Variants in ARHGAP32 observed in about 807,000 individuals in gnomAD.
ARHGAP32 encodes Rho GTPase activating protein 32.
In ARHGAP32, 51 loss-of-function variants were observed where a neutral mutation model predicts 186.5. The observed-to-expected ratio is 0.27, with a 90% confidence interval of 0.22 to 0.35. The LOEUF is 0.35. Among genes scored for constraint, ARHGAP32 ranks in the 10% least tolerant of loss-of-function variants. The pLI is 1.00. For synonymous variants in ARHGAP32, 950 were observed against 964.3 expected, an observed-to-expected ratio of 0.99 and a Z score of 0.27; for missense variants, 2,186 against 2,623.5, an observed-to-expected ratio of 0.83 and a Z score of 3.64.
At chr11:129,270,918 C>A (rs1020816242) in intron 1 of ARHGAP32, among the ~76,000 whole-genome samples, 6 of 152,080 alleles carry the variant, frequency 3.9e-5, no homozygotes, top group African/African-American at 1.4e-4. Context: ...TTAGCAGCCA[C>A]TTTGGCCTCT....
intron 5 of ARHGAP32, among the ~76,000 whole-genome samples, chr11:129,113,898 C>G (rs1591626804): frequency 1.3e-5 from 2 of 152,118 alleles, no homozygotes; most frequent in African/African-American, 4.8e-5. Context: ...CCTAATCGCC[C>G]TAGATTCTGC....
upstream of ARHGAP32, among the ~76,000 whole-genome samples, chr11:129,193,726 A>ATATATTATATATTATATATTATATAT (rs1555111394): frequency 2.6e-4 from 22 of 85,704 alleles, no homozygotes; most frequent in African/African-American, 9.7e-4. Flanking sequence ...ATTATATATT[A>ATATATTATATATTATATATTATATAT]TATATAATAT....
At position 129,074,563 on chromosome 11, in the gene ARHGAP32, G is replaced by A. The variant is rs186528270; in HGVS notation, c.532-7695C>T. Among the ~76,000 whole-genome samples the A allele has an allele frequency of 1.9e-3, 285 of 152,008 alleles. 2 individuals are homozygous for A. Among genetic ancestry groups the A allele is most frequent in the African/African-American group, 6.2e-3 (256 of 41,472 alleles). On this transcript the variant is annotated intron_variant, in intron 6 of 22. Coordinates refer to ENST00000682385, the MANE Select transcript of ARHGAP32 (RefSeq NM_001378024.1). ...GGCTGGCGTGCAGTGGTCTGATCTC[G>A]GCTCACTGCAACCTCCGCCTCCCAG...
At chr11:129,020,392 G>A (rs1478448771) in intron 11 of ARHGAP32, among the ~76,000 whole-genome samples, 1 of 151,974 alleles carries the variant, frequency 6.6e-6, no homozygotes, top group Admixed American at 6.6e-5. Context: ...ACTGTTTCTT[G>A]GACTTGATGC....
chr11:129,172,204 T>C (rs1186140828), intron 1 of ARHGAP32, among the ~76,000 whole-genome samples: 3 of 152,188 alleles, frequency 2.0e-5, no homozygotes, highest in Non-Finnish European at 4.4e-5. Context: ...TCCAATACTA[T>C]GTTGAATAGG....
chr11:129,003,519 T>C (rs1937622326), intron 11 of ARHGAP32, among the ~76,000 whole-genome samples: 1 of 152,194 alleles, frequency 6.6e-6, no homozygotes, highest in Non-Finnish European at 1.5e-5. Flanking sequence ...TCCTGGGCTT[T>C]TCTTTGCTGG....
At chr11:129,045,106 CTT>C (rs757368922) in intron 10 of ARHGAP32, among the ~76,000 whole-genome samples, 14 of 152,178 alleles carry the variant, frequency 9.2e-5, no homozygotes, top group African/African-American at 3.4e-4. Flanking sequence ...TCCCTGCCCT[CTT>C]GTTTTACTTT....
At chr11:129,155,620 T>C (rs1455338367) in intron 2 of ARHGAP32, among the ~76,000 whole-genome samples, 2 of 152,130 alleles carry the variant, frequency 1.3e-5, no homozygotes, top group East Asian at 3.9e-4. Flanking sequence ...AGTAGTTCAT[T>C]TATCAGCAAG....
In ARHGAP32 at chr11:129,123,489, C is replaced by T; in HGVS notation, c.401G>A (p.Cys134Tyr). The change falls in exon 5 of 23, where the codon TGT (cysteine) becomes TAT (tyrosine). Residue 134 changes from cysteine (C) to tyrosine (Y), a missense_variant. Transcript: ENST00000682385. The surrounding 1 kb of genome is among the most constrained non-coding windows in gnomAD (Gnocchi z 4.6). ...TKGHFPKMAE[C>Y]AHFHYENVEF... is the part of the protein sequence containing the mutation. ...AACATTCTCATAATGGAAATGCGCACATTCAGCCATCTTCGGAAAGTGACC... is the reference window on the plus strand; with the variant it reads ...AACATTCTCATAATGGAAATGCGCATATTCAGCCATCTTCGGAAAGTGACC... 1 of 1,612,948 alleles carries T rather than the reference C, an allele frequency of 6.2e-7. No homozygotes were observed. Among genetic ancestry groups the T allele is most frequent in the Non-Finnish European group, 8.5e-7 (1 of 1,179,172 alleles).
Position 129,270,383 on chromosome 11 carries a change from A to T in ARHGAP32, c.-5+8763T>A, listed in dbSNP as rs1431218405. Among the ~76,000 whole-genome samples the T allele has an allele frequency of 2.0e-5, 3 of 152,324 alleles. No homozygotes were observed. In the South Asian group the frequency reaches 6.2e-4, roughly 32 times the overall value. ...GGGGAGAGGGAGGGATGAATAGCCA[A>T]ATCACAGATGATTTTCAGCAGAGTC... On this transcript the variant is annotated intron_variant, in intron 1 of 6. Coordinates refer to the ARHGAP32 transcript ENST00000525234.
chr11:129,263,374 C>T (rs560778616), intron 1 of ARHGAP32, among the ~76,000 whole-genome samples: 6 of 152,176 alleles, frequency 3.9e-5, no homozygotes, highest in Admixed American at 3.9e-4. Context: ...AGAACTCCTA[C>T]AACTCAACAA....
At chr11:129,240,425 T>C (rs4322397) in intron 1 of ARHGAP32, among the ~76,000 whole-genome samples, 45,433 of 152,072 alleles carry the variant, frequency 0.3, 7,127 homozygotes, top group Middle Eastern at 0.4. Context: ...CCTTCCCTAA[T>C]TGTGCTACCC....
chr11:129,042,782 G>A (rs1939647973), intron 10 of ARHGAP32, among the ~76,000 whole-genome samples: 1 of 152,176 alleles, frequency 6.6e-6, no homozygotes, highest in Non-Finnish European at 1.5e-5. Flanking sequence ...GAGGAGTGGA[G>A]CTTCCAGATG....
chr11:129,031,599 T>A (rs1487922866), intron 11 of ARHGAP32, among the ~76,000 whole-genome samples: 1 of 152,222 alleles, frequency 6.6e-6, no homozygotes, highest in African/African-American at 2.4e-5. Context: ...GAGATTACAA[T>A]CTATTTCTTC....
intron 2 of ARHGAP32, among the ~76,000 whole-genome samples, chr11:129,149,846 A>G (rs900211549): frequency 3.3e-5 from 5 of 152,186 alleles, no homozygotes; most frequent in African/African-American, 1.2e-4. Flanking sequence ...AAAGCTAATC[A>G]AGAAGACACC....
intron 5 of ARHGAP32, among the ~76,000 whole-genome samples, chr11:129,111,233 T>C (rs1942203673): frequency 6.6e-6 from 1 of 152,234 alleles, no homozygotes; most frequent in African/African-American, 2.4e-5. Context: ...TTTATTGATT[T>C]GTGTATGTCA....
intron 2 of ARHGAP32, among the ~76,000 whole-genome samples, chr11:129,156,070 G>A (rs542763649): frequency 6.6e-6 from 1 of 152,320 alleles, no homozygotes; most frequent in African/African-American, 2.4e-5. Context: ...CAAATACTAC[G>A]CTTTTCACAT....
Position 128,975,018 on chromosome 11 carries a change from A to T in ARHGAP32, c.2195-16T>A. 6.3e-7 allele frequency: 1 copy of T among 1,585,224 alleles called. No individual in the cohort carries two copies. The highest frequency in any genetic ancestry group is 8.6e-7 in the Non-Finnish European group (1 of 1,166,766). ...TTAGAATCACCTGGAAAAAATGAAT[A>T]ACAGTGTCAAAGTAAGAACATCGTA... On this transcript the variant is annotated splice_polypyrimidine_tract_variant and intron_variant, in intron 20 of 22. Transcript: ENST00000682385.
At position 129,123,305 on chromosome 11, in the gene ARHGAP32, T is replaced by C; in HGVS notation, c.444+141A>G. 1 of 646,522 alleles carries C rather than the reference T, an allele frequency of 1.5e-6. No individual in the cohort carries two copies. Among genetic ancestry groups the C allele is most frequent in the Non-Finnish European group, 2.6e-6 (1 of 378,670 alleles). The allele number at this position is 646,522 out of a possible 1,614,324, so 40.0% of individuals were successfully genotyped here. A position where few individuals can be genotyped will look rare whatever the true frequency, so the allele number is the denominator to read the frequency against. On this transcript the variant is annotated intron_variant, in intron 5 of 22. Transcript: ENST00000682385. This position sits in a 1 kb window ranked among gnomAD's most constrained non-coding sequence, Gnocchi z 4.6. ...TGTCAATAGAAGAGAAGAAAGATTT[T>C]ACCTCAACCAATAAGACATCAATTA... is the stretch of plus-strand genomic sequence containing the variant.
Sources: gnomAD v4.1 joint callset for allele counts (sites outside exome capture counted in the v4.1 genomes callset) on GRCh38, gnomAD v4.1.1 for gene constraint, Gnocchi (gnomAD v3.1) non-coding constraint, MANE v1.5 for transcripts, NCBI Gene and HGNC (gene_info 2026-07-23, HGNC 2026-07-21) for gene names.